Variants in MED12L observed in about 807,000 individuals in gnomAD.
MED12L encodes mediator complex subunit 12L.
A neutral mutation model predicts 281.3 loss-of-function variants in MED12L; 60 were observed. The ratio of observed to expected loss-of-function variants is 0.21; its 90% CI spans 0.17 to 0.26. The LOEUF (loss-of-function observed/expected upper bound fraction) is 0.26, where lower values mean the gene tolerates loss of function less well. Among genes scored for constraint, MED12L ranks in the 10% least tolerant of loss-of-function variants. The pLI, the probability that MED12L is intolerant of heterozygous loss-of-function variation, is 1.00. For missense variants in MED12L, 2,146 were observed against 2,680.9 expected, an observed-to-expected ratio of 0.80 and a Z score of 4.41; for synonymous variants, 974 against 987.2, an observed-to-expected ratio of 0.99 and a Z score of 0.25.
chr3:151,184,457 G>A (rs1723038623), intron 11 of MED12L, among the ~76,000 whole-genome samples: 1 of 152,016 alleles, frequency 6.6e-6, no homozygotes, highest in East Asian at 1.9e-4. Context: ...TAGTTTTTCT[G>A]GCATCATGTT....
chr3:151,225,052 T>G (rs1730217362), intron 16 of MED12L, among the ~76,000 whole-genome samples: 1 of 152,224 alleles, frequency 6.6e-6, no homozygotes, highest in Non-Finnish European at 1.5e-5. Flanking sequence ...TCCTAGCTTT[T>G]CTTACCCAAG....
chr3:151,390,795 T>C (rs995842646), intron 38 of MED12L, among the ~76,000 whole-genome samples: 32 of 152,242 alleles, frequency 2.1e-4, no homozygotes, highest in African/African-American at 7.2e-4. Context: ...CTATTGTGAT[T>C]TTTATTATAA....
chr3:151,137,127 A>C (rs193243546), intron 5 of MED12L, among the ~76,000 whole-genome samples: 443 of 148,584 alleles, frequency 3.0e-3, no homozygotes, highest in African/African-American at 5.5e-3. Flanking sequence ...GCACCACTGC[A>C]CTCCAGCCTG....
intron 5 of MED12L, among the ~76,000 whole-genome samples, chr3:151,138,138 A>G (rs549871784): frequency 2.0e-5 from 3 of 151,944 alleles, no homozygotes; most frequent in Admixed American, 6.6e-5. Context: ...TTCTCCTTAC[A>G]TAGTAATTAG....
intron 5 of MED12L, among the ~76,000 whole-genome samples, chr3:151,143,982 A>G (rs1370119764): frequency 6.6e-6 from 1 of 152,216 alleles, no homozygotes; most frequent in African/African-American, 2.4e-5. Context: ...ATATATAGAA[A>G]TCTGAAAAGA....
rs1329688975 is a variant in MED12L, at chr3:151,383,810, G to A, written c.4712G>A (p.Ser1571Asn). The change falls in exon 34 of 45, where the codon AGC becomes AAC. Residue 1571 changes from serine (S) to asparagine (N), a missense_variant. Physicochemically the swap from Ser to Asn is conservative, Grantham distance 46. This residue lies in a region of MED12L where 212 missense variants were observed against 340.8 expected (regional missense o/e 0.62). Coordinates refer to ENST00000687756, the MANE Select transcript of MED12L (RefSeq NM_001393769.1). ...VGGMFDTVQR[S>N]TQWTTDWALL... The stretch of plus-strand genomic sequence containing the variant: ...GGAATGTTTGACACGGTGCAGAGGA[G>A]CACCCAGTGGACTACAGACTGGGCC... 2 of 1,613,880 alleles carry A rather than the reference G, an allele frequency of 1.2e-6. No homozygotes were observed. The highest frequency in any genetic ancestry group is 1.7e-6 in the Non-Finnish European group (2 of 1,179,846).
intron 16 of MED12L, chr3:151,214,228 C>G: frequency 6.2e-7 from 1 of 1,613,948 alleles, no homozygotes; most frequent in Non-Finnish European, 8.5e-7. Flanking sequence ...GAAGACCATA[C>G]AGTACAGCAC....
chr3:151,369,581 T>C, intron 26 of MED12L, 32 bp downstream of exon 26: 1 of 1,405,200 alleles, frequency 7.1e-7, no homozygotes, highest in Non-Finnish European at 9.9e-7. Flanking sequence ...GCTTCTTGGT[T>C]AATCACCAGA....
At chr3:151,328,526 G>A in intron 16 of MED12L, 1 of 1,613,874 alleles carries the variant, frequency 6.2e-7, no homozygotes, top group Non-Finnish European at 8.5e-7. Context: ...GATCGTATTT[G>A]GCAGGGAGAT....
intron 16 of MED12L, among the ~76,000 whole-genome samples, chr3:151,216,401 A>G (rs1316478677): frequency 6.6e-6 from 1 of 152,228 alleles, no homozygotes; most frequent in Non-Finnish European, 1.5e-5. Flanking sequence ...TTTAAGCATG[A>G]CAAAGGGATA....
chr3:151,178,045 C>T (rs1722266301), intron 11 of MED12L, among the ~76,000 whole-genome samples: 2 of 149,106 alleles, frequency 1.3e-5, no homozygotes, highest in South Asian at 2.1e-4. Context: ...CAACTTCTTA[C>T]TATTCGTTAG....
chr3:151,211,225 T>TA (rs1356146000), intron 16 of MED12L, among the ~76,000 whole-genome samples: 2 of 152,244 alleles, frequency 1.3e-5, no homozygotes, highest in Non-Finnish European at 2.9e-5. Flanking sequence ...AGCACATGCT[T>TA]ACAAAGGCAT....
At chr3:151,223,059 A>G (rs1390093712) in intron 16 of MED12L, among the ~76,000 whole-genome samples, 1 of 152,088 alleles carries the variant, frequency 6.6e-6, no homozygotes, top group African/African-American at 2.4e-5. Context: ...TTGGAAAGAA[A>G]GAGGTTAAGT....
At chr3:151,292,653 A>T (rs1033073440) in intron 16 of MED12L, among the ~76,000 whole-genome samples, 1 of 150,750 alleles carries the variant, frequency 6.6e-6, no homozygotes, top group African/African-American at 2.4e-5. Flanking sequence ...GCTCACTGCA[A>T]CCTCCACCTC....
intron 16 of MED12L, among the ~76,000 whole-genome samples, chr3:151,240,554 AAAAAC>A (rs1335749500): frequency 6.6e-6 from 1 of 152,222 alleles, no homozygotes; most frequent in Non-Finnish European, 1.5e-5. Flanking sequence ...GAAAGAGCTA[AAAAAC>A]AAAACAAAAG....
At chr3:151,313,449 G>C (rs970507227) in intron 16 of MED12L, among the ~76,000 whole-genome samples, 5 of 152,078 alleles carry the variant, frequency 3.3e-5, no homozygotes, top group Admixed American at 2.0e-4. Flanking sequence ...TTCAAGGTCA[G>C]AGCTGTGCTC....
chr3:151,226,736 C>T (rs1233192585), intron 16 of MED12L, among the ~76,000 whole-genome samples: 3 of 152,130 alleles, frequency 2.0e-5, no homozygotes, highest in African/African-American at 7.2e-5. Flanking sequence ...CAGTTATCTT[C>T]CAGATACTGC....
At chr3:151,342,247 T>G (rs1751949810) in intron 16 of MED12L, among the ~76,000 whole-genome samples, 1 of 152,144 alleles carries the variant, frequency 6.6e-6, no homozygotes, top group Non-Finnish European at 1.5e-5. Flanking sequence ...CTGTGCTGCT[T>G]TAACTTTATG....
At chr3:151,263,563 G>A (rs1434149352) in intron 16 of MED12L, among the ~76,000 whole-genome samples, 3 of 152,052 alleles carry the variant, frequency 2.0e-5, no homozygotes, top group African/African-American at 4.8e-5. Flanking sequence ...GTGTTTTATC[G>A]TTAATTTAAT....
Sources: gnomAD v4.1 joint callset for allele counts (sites outside exome capture counted in the v4.1 genomes callset) on GRCh38, gnomAD v4.1.1 for gene constraint, gnomAD v4.1.1 regional missense constraint, MANE v1.5 for transcripts, NCBI Gene and HGNC (gene_info 2026-07-23, HGNC 2026-07-21) for gene names.